The following ROCK2 variants were observed in gnomAD, a reference collection of about 807,000 sequenced individuals.
ROCK2 encodes the protein rho-associated protein kinase 2.
ROCK2 carries 61 observed loss-of-function variants against 195.1 expected under a neutral mutation model. That is an observed-to-expected ratio of 0.31 (90% CI 0.25 to 0.39). The LOEUF is 0.39. ROCK2 is among the 10% of genes least tolerant of loss of function. ROCK2 has a pLI of 1.00. For missense variants in ROCK2, 1,109 were observed against 1,637.4 expected, an observed-to-expected ratio of 0.68 and a Z score of 5.57; for synonymous variants, 504 against 545.5, an observed-to-expected ratio of 0.92 and a Z score of 1.06.
intron 1 of ROCK2, among the ~76,000 whole-genome samples, chr2:11,335,365 T>C (rs1054802826): frequency 6.6e-6 from 1 of 152,146 alleles, no homozygotes; most frequent in Non-Finnish European, 1.5e-5. Context: ...AGTATAGTTT[T>C]AGTTGAGCCC....
chr2:11,183,803 T>C (rs1663093517), intron 32 of ROCK2, among the ~76,000 whole-genome samples: 1 of 152,192 alleles, frequency 6.6e-6, no homozygotes, highest in South Asian at 2.1e-4. Context: ...GAAAGGGAAA[T>C]GGGCCTATTG....
chr2:11,273,210 T>C (rs919640702), intron 3 of ROCK2, among the ~76,000 whole-genome samples: 1 of 146,602 alleles, frequency 6.8e-6, no homozygotes, highest in African/African-American at 2.5e-5. Context: ...AACTCTCCAA[T>C]CAAAAGACAG....
chr2:11,224,364 G>C lies in ROCK2; in HGVS notation c.965C>G (p.Ser322Cys). The change falls in exon 7 of 33, where the codon TCC becomes TGC. Residue 322 changes from serine to cysteine, a missense_variant. This residue lies in a region of ROCK2 where 253 missense variants were observed against 455.5 expected (regional missense o/e 0.56). Coordinates refer to ENST00000315872, the MANE Select transcript of ROCK2 (RefSeq NM_004850.5). Reference sequence around the variant, plus strand: ...ACAGATGAGATTCTTTGCATGTTTGGAAATTTCTGCATCTTCAGGGAAACA... The same window carrying C: ...ACAGATGAGATTCTTTGCATGTTTGCAAATTTCTGCATCTTCAGGGAAACA... ...SLCFPEDAEISKHAKNLICAF... is the reference protein window; with the variant it reads ...SLCFPEDAEICKHAKNLICAF... The C allele has an allele frequency of 6.2e-7, 1 of 1,613,320 alleles. No individual in the cohort carries two copies. Among genetic ancestry groups the C allele is most frequent in the Non-Finnish European group, 8.5e-7 (1 of 1,179,536 alleles).
At chr2:11,330,702 G>A (rs966111992) in intron 1 of ROCK2, among the ~76,000 whole-genome samples, 17 of 145,206 alleles carry the variant, frequency 1.2e-4, no homozygotes, top group African/African-American at 2.8e-4. Context: ...GGAGAAGGGG[G>A]AGGAAGGAGG....
chr2:11,334,645 T>C (rs997541279), intron 1 of ROCK2, among the ~76,000 whole-genome samples: 3 of 139,406 alleles, frequency 2.2e-5, no homozygotes, highest in Non-Finnish European at 5.0e-5. Context: ...CCAAGAAGCA[T>C]ATATGAAGGC....
chr2:11,344,893 G>A (rs1335713788), upstream of ROCK2, among the ~76,000 whole-genome samples: 2 of 150,334 alleles, frequency 1.3e-5, no homozygotes, highest in Non-Finnish European at 3.0e-5. This position sits in a 1 kb window ranked among gnomAD's most constrained non-coding sequence, Gnocchi z 5.4. Context: ...GCTGGGGGAG[G>A]GGAGACGCAC....
chr2:11,306,848 A>G (rs554102784), intron 1 of ROCK2, among the ~76,000 whole-genome samples: 1 of 152,300 alleles, frequency 6.6e-6, no homozygotes, highest in East Asian at 1.9e-4. Flanking sequence ...ACCTACCAAC[A>G]CCATGTGGGA....
intron 12 of ROCK2, 150 bp downstream of exon 12, chr2:11,216,940 T>C (rs1664453926): frequency 2.2e-6 from 1 of 462,056 alleles, no homozygotes; most frequent in Non-Finnish European, 3.9e-6. Context: ...GCCAGGCTGG[T>C]CTTGAACTCC....
intron 7 of ROCK2, among the ~76,000 whole-genome samples, chr2:11,222,864 T>C (rs1268035972): frequency 6.6e-6 from 1 of 152,134 alleles, no homozygotes; most frequent in Non-Finnish European, 1.5e-5. Flanking sequence ...TAACTCGTTT[T>C]CAAAATATCA....
rs911631729 is a variant in ROCK2 at position 11,312,884 on chromosome 2, C to G, written c.142-25148G>C. ...GAAACCATTCTGAAAAGCCTACGCACTGGACAATTCCATTTATATGACATT... is the reference window on the plus strand; with the variant it reads ...GAAACCATTCTGAAAAGCCTACGCAGTGGACAATTCCATTTATATGACATT... On this transcript the variant is annotated intron_variant, in intron 1 of 32. Transcript: ENST00000315872. Among the ~76,000 whole-genome samples, 4 of 152,194 alleles carry G rather than the reference C, an allele frequency of 2.6e-5. No individual in the cohort carries two copies. In the East Asian group the frequency reaches 7.7e-4, roughly 29 times the overall value.
Position 11,224,336 on chromosome 2 carries a change from A to C in ROCK2, c.993T>G (p.Ala331=), listed in dbSNP as rs756301805. 5 of 1,612,024 alleles carry C rather than the reference A, an allele frequency of 3.1e-6. No individual in the cohort carries two copies. The highest frequency in any genetic ancestry group is 8.5e-7 in the Non-Finnish European group (1 of 1,179,072). ...ISKHAKNLIC[A]FLTDREVRLG... ...ATGTACATTACCTATCTGTTAAGAAAGCACAGATGAGATTCTTTGCATGTT... is the reference window on the plus strand; with the variant it reads ...ATGTACATTACCTATCTGTTAAGAACGCACAGATGAGATTCTTTGCATGTT... Residue 331 remains alanine (A), a synonymous_variant, in exon 7 of 33, where the codon GCT becomes GCG. Coordinates refer to ENST00000315872, the MANE Select transcript of ROCK2 (RefSeq NM_004850.5).
chr2:11,292,487 A>G (rs1667392316), intron 1 of ROCK2, among the ~76,000 whole-genome samples: 1 of 152,206 alleles, frequency 6.6e-6, no homozygotes, highest in South Asian at 2.1e-4. Context: ...AACAGAATTA[A>G]AATTTTATGA....
chr2:11,243,840 G>A (rs573827141), intron 4 of ROCK2, among the ~76,000 whole-genome samples: 2 of 152,302 alleles, frequency 1.3e-5, no homozygotes, highest in African/African-American at 2.4e-5. Flanking sequence ...TCAGTTTAAT[G>A]TATCAATACT....
At chr2:11,267,514 A>AAAAAACC (rs1268945423) in intron 3 of ROCK2, among the ~76,000 whole-genome samples, 2 of 151,864 alleles carry the variant, frequency 1.3e-5, no homozygotes, top group Non-Finnish European at 2.9e-5. Flanking sequence ...ATACAAAAAA[A>AAAAAACC]AAAAACCAAA....
chr2:11,252,045 A>C (rs1348901452), intron 3 of ROCK2, among the ~76,000 whole-genome samples: 1 of 152,246 alleles, frequency 6.6e-6, no homozygotes, highest in Admixed American at 6.5e-5. Flanking sequence ...GAAATAGAAC[A>C]CCTTTATGCT....
At chr2:11,198,287 A>C (rs944071661) in intron 25 of ROCK2, among the ~76,000 whole-genome samples, 1 of 152,240 alleles carries the variant, frequency 6.6e-6, no homozygotes, top group African/African-American at 2.4e-5. Flanking sequence ...AGGAAATATT[A>C]AGAAAAATTT....
intron 1 of ROCK2, among the ~76,000 whole-genome samples, chr2:11,334,238 C>T (rs538444616): frequency 7.9e-5 from 12 of 152,194 alleles, no homozygotes; most frequent in African/African-American, 1.9e-4. Flanking sequence ...AGAGGCCAGG[C>T]GCAGTGACTT....
chr2:11,252,859 G>A (rs1042503675), intron 3 of ROCK2, among the ~76,000 whole-genome samples: 2 of 151,532 alleles, frequency 1.3e-5, no homozygotes, highest in Non-Finnish European at 2.9e-5. Flanking sequence ...CAGGTTGATG[G>A]GTGCAGCAAA....
intron 3 of ROCK2, among the ~76,000 whole-genome samples, chr2:11,268,933 ACT>A (rs1296583620): frequency 1.3e-5 from 2 of 151,594 alleles, no homozygotes; most frequent in Admixed American, 6.6e-5. Context: ...TACCCCTTAG[ACT>A]CTGTTCACTT....
Sources: allele counts gnomAD v4.1 joint callset (sites outside exome capture counted in the v4.1 genomes callset), GRCh38; gene constraint gnomAD v4.1.1; regional missense constraint gnomAD v4.1.1; non-coding constraint Gnocchi (gnomAD v3.1); transcripts MANE v1.5; gene names NCBI Gene and HGNC (gene_info 2026-07-23, HGNC 2026-07-21).